Variants in KMT2C observed in about 807,000 individuals in gnomAD.
KMT2C encodes the protein lysine methyltransferase 2C.
In KMT2C, 88 loss-of-function variants were observed where a neutral mutation model predicts 507.9. That is an observed-to-expected ratio of 0.17 (90% CI 0.15 to 0.21). KMT2C has a LOEUF of 0.21. Ranked by LOEUF, KMT2C falls within the 10% of genes least tolerant of loss-of-function variation. KMT2C has a pLI of 1.00. For synonymous variants in KMT2C, 2,049 were observed against 2,080.8 expected (o/e 0.98, Z 0.42); for missense variants, 4,954 against 5,957.8 (o/e 0.83, Z 5.55).
intron 6 of KMT2C, among the ~76,000 whole-genome samples, chr7:152,283,626 C>CAT (rs1316816373): frequency 1.3e-5 from 2 of 152,250 alleles, no homozygotes; most frequent in East Asian, 3.9e-4. Context: ...AAATCTAGTA[C>CAT]ATATACCCCC....
At chr7:152,408,763 C>T (rs556932917) in intron 1 of KMT2C, among the ~76,000 whole-genome samples, 329 of 150,922 alleles carry the variant, frequency 2.2e-3, no homozygotes, top group African/African-American at 7.4e-3. Context: ...CAAAACTAGT[C>T]CCTGGTGCCA....
chr7:152,259,446 G>GCACACACACACACACA (rs372982101), intron 9 of KMT2C, among the ~76,000 whole-genome samples: 39 of 134,788 alleles, frequency 2.9e-4, no homozygotes, highest in Non-Finnish European at 4.8e-4. Flanking sequence ...ACACACACGC[G>GCACACACACACACACA]CACACACACA....
chr7:152,274,898 G>A (rs1295656597), intron 6 of KMT2C, among the ~76,000 whole-genome samples: 1 of 152,136 alleles, frequency 6.6e-6, no homozygotes, highest in Non-Finnish European at 1.5e-5. Context: ...GGCCCTAATA[G>A]AAAGGTGTTC....
chr7:152,257,668 C>G (rs1218092783), intron 9 of KMT2C, among the ~76,000 whole-genome samples: 3 of 152,052 alleles, frequency 2.0e-5, no homozygotes, highest in Admixed American at 2.0e-4. Flanking sequence ...TGGAGAAGGA[C>G]AAGAACTGGA....
At chr7:152,159,153 G>T in intron 43 of KMT2C, 81 bp from the exon 44 acceptor site, 3 of 1,169,738 alleles carry the variant, frequency 2.6e-6, no homozygotes, top group Non-Finnish European at 3.8e-6. Context: ...AAGCTATGAC[G>T]CGTCATCCTA....
At chr7:152,388,852 G>T (rs138056754) in intron 1 of KMT2C, among the ~76,000 whole-genome samples, 2 of 54,626 alleles carry the variant, frequency 3.7e-5, no homozygotes, top group Admixed American at 3.1e-4. Flanking sequence ...GGGTTCAAGC[G>T]ATTCTCCTGC....
intron 1 of KMT2C, among the ~76,000 whole-genome samples, chr7:152,431,204 T>C (rs1469311987): frequency 1.3e-5 from 2 of 151,740 alleles, no homozygotes; most frequent in Non-Finnish European, 3.0e-5. Context: ...AATATGTAAA[T>C]TGGTAAGTTT....
intron 4 of KMT2C, among the ~76,000 whole-genome samples, chr7:152,314,811 A>C (rs10250870): frequency 0.16 from 24,211 of 152,122 alleles, 5,211 homozygotes; most frequent in African/African-American, 0.49. Flanking sequence ...TTATTACATT[A>C]TTTCCATTTA....
rs150259734 is a variant in KMT2C at position 152,181,721 on chromosome 7, T to C, written c.6139A>G (p.Met2047Val). ...DSGPGPFKTP[M>V]QPPPSSQDPY... is the part of the protein sequence containing the mutation. ...TCCTGAGAGGATGGAGGAGGTTGCA[T>C]TGGAGTCTTAAAAGGTCCAGGACCA... The change falls in exon 36 of 59, where the codon ATG becomes GTG. Residue 2047 changes from methionine (M) to valine (V), a missense_variant. By Grantham distance (21) the Met-to-Val change is conservative. Around this residue, in one of 29 missense-constraint regions of KMT2C, gnomAD observed 1,689 missense variants for 1,654.3 expected, o/e 1.02. Transcript: ENST00000262189. The C allele has an allele frequency of 1.4e-5, 22 of 1,613,968 alleles. No homozygotes were observed. The highest frequency in any genetic ancestry group is 2.2e-5 in the East Asian group (1 of 44,876).
chr7:152,276,521 G>A (rs887248520), intron 6 of KMT2C, among the ~76,000 whole-genome samples: 2 of 152,164 alleles, frequency 1.3e-5, no homozygotes, highest in Admixed American at 6.5e-5. Flanking sequence ...GGGAGGCTGA[G>A]GCAGGTGGAT....
intron 9 of KMT2C, among the ~76,000 whole-genome samples, chr7:152,260,639 G>A (rs2095753902): frequency 6.6e-6 from 1 of 152,110 alleles, no homozygotes; most frequent in Non-Finnish European, 1.5e-5. Context: ...TGTTTTCAGA[G>A]TATAAGAAAG....
intron 2 of KMT2C, among the ~76,000 whole-genome samples, chr7:152,351,586 G>T (rs1251241483): frequency 6.6e-6 from 1 of 152,206 alleles, no homozygotes; most frequent in African/African-American, 2.4e-5. Context: ...GCATCCCTTT[G>T]TTGTGGGAAG....
chr7:152,395,228 C>G (rs200824385), intron 1 of KMT2C, among the ~76,000 whole-genome samples: 3 of 151,860 alleles, frequency 2.0e-5, no homozygotes, highest in Admixed American at 1.3e-4. Context: ...TCTGTTGCAC[C>G]GGCTGGAGTG....
intron 18 of KMT2C, among the ~76,000 whole-genome samples, chr7:152,225,833 G>A (rs4024377): frequency 6.6e-6 from 1 of 152,154 alleles, no homozygotes; most frequent in Non-Finnish European, 1.5e-5. Flanking sequence ...GATAGTTCTA[G>A]AGTAGGCAAA....
At chr7:152,139,918 T>C in intron 55 of KMT2C, 127 bp from the exon 56 acceptor site, 1 of 677,968 alleles carries the variant, frequency 1.5e-6, no homozygotes, top group Non-Finnish European at 2.6e-6. Flanking sequence ...ACTCAAATCA[T>C]TTTTGAATAT....
chr7:152,204,768 G>C (rs2094253350), intron 25 of KMT2C, among the ~76,000 whole-genome samples: 1 of 152,054 alleles, frequency 6.6e-6, no homozygotes, highest in African/African-American at 2.4e-5. Flanking sequence ...ATGTAACTAA[G>C]TTATTCAGTC....
chr7:152,157,345 C>T (rs2092132106), intron 44 of KMT2C, among the ~76,000 whole-genome samples: 1 of 151,046 alleles, frequency 6.6e-6, no homozygotes, highest in African/African-American at 2.4e-5. Context: ...AAAAAAAAAC[C>T]TACAATAGTC....
rs765083956 is a variant in KMT2C, at chr7:152,177,461, T to C, written c.7992A>G (p.Thr2664=). Reference sequence around the variant, plus strand: ...CAGACGTTGTTTCAGACGGTACAGATGTTGACAAAGGAGCTTCTGAAAATT... The same window carrying C: ...CAGACGTTGTTTCAGACGGTACAGACGTTGACAAAGGAGCTTCTGAAAATT... ...GGEFSEAPLS[T]SVPSETTSDN... is the part of the protein sequence containing the mutation. The change falls in exon 38 of 59, where the codon ACA becomes ACG. Residue 2664 remains threonine, a synonymous_variant. Coordinates refer to ENST00000262189, the MANE Select transcript of KMT2C (RefSeq NM_170606.3). 4 of 1,614,166 alleles carry C rather than the reference T, an allele frequency of 2.5e-6. No individual in the cohort carries two copies. The highest frequency in any genetic ancestry group is 3.4e-6 in the Non-Finnish European group (4 of 1,180,018).
At chr7:152,150,435 G>A (rs2091512539) in intron 51 of KMT2C, among the ~76,000 whole-genome samples, 1 of 152,052 alleles carries the variant, frequency 6.6e-6, no homozygotes. Context: ...TGGCCAACAT[G>A]GTGAAACCCC....
Sources: allele counts gnomAD v4.1 joint callset (sites outside exome capture counted in the v4.1 genomes callset), GRCh38; gene constraint gnomAD v4.1.1; regional missense constraint gnomAD v4.1.1; transcripts MANE v1.5; gene names NCBI Gene and HGNC (gene_info 2026-07-23, HGNC 2026-07-21).